Variants in NCALD observed in about 807,000 individuals in gnomAD.
NCALD encodes neurocalcin-delta.
A neutral mutation model predicts 18.6 loss-of-function variants in NCALD; 10 were observed. The observed-to-expected ratio is 0.54, with a 90% CI of 0.33 to 0.91. The LOEUF (loss-of-function observed/expected upper bound fraction) is 0.91, where lower values mean the gene tolerates loss of function less well. Among genes scored for constraint, NCALD ranks in the 40% least tolerant of loss-of-function variants. The pLI, the probability that NCALD is intolerant of heterozygous loss-of-function variation, is 0.03. For missense variants in NCALD, 184 were observed against 247.6 expected (o/e 0.74, Z 1.72); for synonymous variants, 88 against 87.4 (o/e 1.01, Z -0.04).
chr8:101,700,067 T>C (rs963851816), intron 2 of NCALD, among the ~76,000 whole-genome samples: 1 of 151,358 alleles, frequency 6.6e-6, no homozygotes, highest in Non-Finnish European at 1.5e-5. Context: ...TTCATTTATT[T>C]ATTTATTTTT....
chr8:101,990,620 G>C (rs1023133467), intron 2 of NCALD, among the ~76,000 whole-genome samples: 1 of 152,132 alleles, frequency 6.6e-6, no homozygotes, highest in Non-Finnish European at 1.5e-5. Flanking sequence ...TCCTGCACAA[G>C]TTTTCTTCTC....
chr8:102,090,939 C>A (rs1587063128), intron 1 of NCALD, among the ~76,000 whole-genome samples: 1 of 152,266 alleles, frequency 6.6e-6, no homozygotes, highest in Non-Finnish European at 1.5e-5. Context: ...CCATTAGAAG[C>A]CCCTTGGGAA....
intron 1 of NCALD, among the ~76,000 whole-genome samples, chr8:102,085,206 T>C (rs1375997935): frequency 6.6e-6 from 1 of 152,154 alleles, no homozygotes; most frequent in East Asian, 1.9e-4. Context: ...GTCCTGTGCA[T>C]TGTAAAATAT....
At chr8:101,691,992 G>T (rs1053274409) in intron 3 of NCALD, 3 of 985,086 alleles carry the variant, frequency 3.0e-6, no homozygotes, top group Admixed American at 6.2e-5. Flanking sequence ...GCCAGATCTG[G>T]CAAATTAAAT....
At chr8:101,802,878 G>C (rs2131089370) in intron 4 of NCALD, among the ~76,000 whole-genome samples, 1 of 103,564 alleles carries the variant, frequency 9.7e-6, no homozygotes, top group South Asian at 2.9e-4. Flanking sequence ...TTCGTTCTTT[G>C]CAATAAATCT....
intron 1 of NCALD, among the ~76,000 whole-genome samples, chr8:102,113,792 T>C (rs901986993): frequency 2.6e-5 from 4 of 152,266 alleles, no homozygotes; most frequent in Non-Finnish European, 5.9e-5. Context: ...TATGATGTGC[T>C]ACCTACTGGG....
At chr8:102,081,401 T>A (rs1331435397) in intron 1 of NCALD, among the ~76,000 whole-genome samples, 2 of 151,944 alleles carry the variant, frequency 1.3e-5, no homozygotes, top group Non-Finnish European at 2.9e-5. Context: ...GCCCTTTTCA[T>A]ATAGAAAATT....
intron 3 of NCALD, among the ~76,000 whole-genome samples, chr8:101,893,014 G>A (rs1014559322): frequency 6.0e-4 from 89 of 148,730 alleles, no homozygotes; most frequent in Admixed American, 1.3e-3. Flanking sequence ...TACAGAGAAC[G>A]CCACAAAGAT....
chr8:101,886,013 T>G (rs1420351131), intron 4 of NCALD, among the ~76,000 whole-genome samples: 2 of 152,288 alleles, frequency 1.3e-5, no homozygotes, highest in East Asian at 3.9e-4. Flanking sequence ...CTAGTTACAA[T>G]GCACAATTCT....
chr8:102,037,273 G>C (rs977571208), intron 1 of NCALD, among the ~76,000 whole-genome samples: 1 of 152,146 alleles, frequency 6.6e-6, no homozygotes, highest in Non-Finnish European at 1.5e-5. Context: ...GAAAGGCATA[G>C]AAAAGTTAAG....
intron 1 of NCALD, among the ~76,000 whole-genome samples, chr8:102,096,240 T>C (rs1455880239): frequency 6.6e-6 from 1 of 152,088 alleles, no homozygotes; most frequent in Non-Finnish European, 1.5e-5. Flanking sequence ...AACCACAGGG[T>C]TGGTTTCTTC....
At chr8:101,701,355 A>T (rs1815257695) in intron 2 of NCALD, among the ~76,000 whole-genome samples, 2 of 152,122 alleles carry the variant, frequency 1.3e-5, no homozygotes, top group African/African-American at 4.8e-5. Flanking sequence ...CTTTATTTTT[A>T]GCAATGTCAA....
At chr8:101,876,694 GAAAAT>G (rs1816241987) in intron 4 of NCALD, among the ~76,000 whole-genome samples, 1 of 152,104 alleles carries the variant, frequency 6.6e-6, no homozygotes, top group Non-Finnish European at 1.5e-5. Flanking sequence ...AGATGAGAAA[GAAAAT>G]AAAATGTCAC....
In NCALD at chr8:101,873,515, C is replaced by A. The variant is rs79288024; in HGVS notation, c.-20+13626G>T. 7.7e-4 allele frequency among the ~76,000 whole-genome samples: 117 copies of A among 152,292 alleles called. 1 individual carries two copies. The East Asian group carries it at 0.021, about 28-fold the overall frequency. On this transcript the variant is annotated intron_variant, in intron 4 of 6. Transcript: ENST00000311028. ...TGGCATATCCAATTTCAAAGCTATT[C>A]ACAGCTATAACTGCTGCTTAGGGCA...
intron 4 of NCALD, among the ~76,000 whole-genome samples, chr8:101,846,052 CA>C (rs1368432496): frequency 3.9e-5 from 6 of 152,146 alleles, no homozygotes; most frequent in Non-Finnish European, 7.3e-5. Flanking sequence ...TGTATATATA[CA>C]TTTTCTTTAT....
chr8:101,758,625 C>T lies in NCALD; in HGVS notation c.-20+32237G>A, dbSNP rs150738279. 2.5e-3 allele frequency among the ~76,000 whole-genome samples: 377 copies of T among 152,292 alleles called. 2 individuals are homozygous for T. The highest frequency in any genetic ancestry group is 8.8e-3 in the African/African-American group (364 of 41,558). On this transcript the variant is annotated intron_variant, in intron 1 of 3. Transcript: ENST00000220931. ...CTTACTCACCACATCCACCACATGT[C>T]TTCTGTCCCCATGTGTCCTGACTCT...
intron 1 of NCALD, among the ~76,000 whole-genome samples, chr8:102,096,665 C>T (rs942310076): frequency 1.3e-5 from 2 of 151,884 alleles, no homozygotes; most frequent in East Asian, 1.9e-4. Flanking sequence ...ATTAGACTGA[C>T]GGCGGGCCAC....
intron 1 of NCALD, among the ~76,000 whole-genome samples, chr8:102,065,960 A>G (rs1399008715): frequency 1.3e-5 from 2 of 152,244 alleles, no homozygotes; most frequent in Admixed American, 6.5e-5. Context: ...ATAACTATAT[A>G]TGGCTCTCAA....
Position 101,719,388 on chromosome 8 carries a change from T to C in NCALD, c.242A>G (p.Asp81Gly), listed in dbSNP as rs1816245813. The C allele has an allele frequency of 6.2e-7, 1 of 1,614,094 alleles. No homozygotes were observed. The highest frequency in any genetic ancestry group is 8.5e-7 in the Non-Finnish European group (1 of 1,180,050). ...CAAGGCGATGATGAATTCTCTAAAG[T>C]CTATTGTCCCATCTCCATTTGCATC... ...TFDANGDGTI[D>G]FREFIIALSV... The change falls in exon 2 of 4, where the codon GAC becomes GGC. Residue 81 changes from aspartate (D) to glycine (G), a missense_variant. Asp to Gly is a moderately conservative substitution (Grantham distance 94). Coordinates refer to ENST00000220931, the MANE Select transcript of NCALD (RefSeq NM_032041.3).
Sources: allele counts gnomAD v4.1 joint callset (sites outside exome capture counted in the v4.1 genomes callset), GRCh38; gene constraint gnomAD v4.1.1; transcripts MANE v1.5; gene names NCBI Gene and HGNC (gene_info 2026-07-23, HGNC 2026-07-21).